The following TTC28 variants were observed in gnomAD, a reference collection of about 807,000 sequenced individuals.
The protein encoded by TTC28 is tetratricopeptide repeat protein 28.
In TTC28, 61 loss-of-function variants were observed where a neutral mutation model predicts 198.0. The observed-to-expected ratio is 0.31, with a 90% CI of 0.25 to 0.38. The LOEUF is 0.38. Ranked by LOEUF, TTC28 falls within the 10% of genes least tolerant of loss-of-function variation. The probability of loss-of-function intolerance (pLI) is 1.00; values close to 1 mark genes in which losing one functional copy is unlikely to be tolerated. For synonymous variants in TTC28, 1,171 were observed against 1,297.8 expected, an observed-to-expected ratio of 0.90 and a Z score of 2.10; for missense variants, 2,678 against 3,164.0, an observed-to-expected ratio of 0.85 and a Z score of 3.69.
intron 2 of TTC28, among the ~76,000 whole-genome samples, chr22:28,505,948 C>G (rs1459122176): frequency 6.6e-6 from 1 of 152,240 alleles, no homozygotes; most frequent in Non-Finnish European, 1.5e-5. Flanking sequence ...TTCAGCTGTT[C>G]CAGCCGGCTG....
intron 12 of TTC28, among the ~76,000 whole-genome samples, chr22:28,066,943 C>T (rs1298596378): frequency 1.3e-5 from 2 of 152,146 alleles, no homozygotes; most frequent in Admixed American, 1.3e-4. Context: ...GGGCAAAAAC[C>T]CACTGCACTT....
chr22:28,526,542 C>T (rs2049007481), intron 2 of TTC28, among the ~76,000 whole-genome samples: 2 of 152,192 alleles, frequency 1.3e-5, no homozygotes, highest in African/African-American at 2.4e-5. Flanking sequence ...CCAGTCCATA[C>T]AGTGTAGGAC....
chr22:28,409,789 T>C (rs2047054506), intron 2 of TTC28, among the ~76,000 whole-genome samples: 1 of 151,724 alleles, frequency 6.6e-6, no homozygotes, highest in South Asian at 2.1e-4. Flanking sequence ...CCCGAGTAGC[T>C]GGGACTACAG....
Position 28,679,831 on chromosome 22 carries a change from G to T in TTC28, c.-108C>A. Reference sequence around the variant, plus strand: ...CCGCCGTGCTGCGCGCCGCCGCGGCGCCCCTCACTGCCCCCAAACCGCGCG... The same window carrying T: ...CCGCCGTGCTGCGCGCCGCCGCGGCTCCCCTCACTGCCCCCAAACCGCGCG... On this transcript the variant is annotated 5_prime_UTR_variant, in exon 1 of 23. Coordinates refer to ENST00000397906, the MANE Select transcript of TTC28 (RefSeq NM_001145418.2). The T allele has an allele frequency of 2.9e-6, 1 of 347,006 alleles. No homozygotes were observed. The highest frequency in any genetic ancestry group is 4.3e-6 in the Non-Finnish European group (1 of 234,674). 21.5% of individuals were successfully genotyped at this position (347,006 alleles called of 1,614,324 possible).
intron 12 of TTC28, among the ~76,000 whole-genome samples, chr22:28,067,305 A>C (rs990440276): frequency 4.6e-5 from 7 of 152,182 alleles, no homozygotes; most frequent in African/African-American, 1.7e-4. Flanking sequence ...TATTGGCTTC[A>C]TCTCTGTAGC....
chr22:28,284,850 G>A (rs184002302), intron 5 of TTC28, among the ~76,000 whole-genome samples: 173 of 152,288 alleles, frequency 1.1e-3, no homozygotes, highest in Admixed American at 3.7e-3. Flanking sequence ...GATAACAATT[G>A]TTTGCAAGGG....
chr22:28,596,719 A>G (rs1221319466), intron 2 of TTC28, among the ~76,000 whole-genome samples: 1 of 152,224 alleles, frequency 6.6e-6, no homozygotes, highest in Non-Finnish European at 1.5e-5. Flanking sequence ...TGTACATTAT[A>G]GATGACTGTA....
chr22:28,426,693 T>C (rs958022628), intron 2 of TTC28, among the ~76,000 whole-genome samples: 2 of 152,154 alleles, frequency 1.3e-5, no homozygotes, highest in Admixed American at 6.5e-5. Context: ...CCTAAGCTAC[T>C]TGGCAAGACA....
chr22:28,036,074 C>A (rs1287526605), intron 12 of TTC28, among the ~76,000 whole-genome samples: 1 of 152,144 alleles, frequency 6.6e-6, no homozygotes, highest in Admixed American at 6.5e-5. Context: ...CGATATTAGA[C>A]AGATCAACGA....
intron 5 of TTC28, among the ~76,000 whole-genome samples, chr22:28,219,159 T>A (rs183739076): frequency 2.0e-5 from 3 of 152,138 alleles, no homozygotes; most frequent in Admixed American, 2.0e-4. Context: ...CTTGGGCACA[T>A]TACTTAACGT....
At chr22:28,197,414 C>T (rs1270212411) in intron 5 of TTC28, among the ~76,000 whole-genome samples, 1 of 151,688 alleles carries the variant, frequency 6.6e-6, no homozygotes, top group African/African-American at 2.4e-5. Context: ...TACCCTAAAA[C>T]TTAAAGTATA....
chr22:28,306,744 T>C (rs2045154813), intron 2 of TTC28, 101 bp from the exon 3 acceptor site: 18 of 1,268,604 alleles, frequency 1.4e-5, no homozygotes, highest in Non-Finnish European at 1.9e-5. Flanking sequence ...AAGATTGAGA[T>C]GTACTTGATT....
chr22:28,524,155 A>C (rs1374196685), intron 2 of TTC28, among the ~76,000 whole-genome samples: 1 of 152,146 alleles, frequency 6.6e-6, no homozygotes, highest in Non-Finnish European at 1.5e-5. Context: ...CATTTTTTGA[A>C]GGGTGATGAG....
At chr22:28,671,682 C>CT (rs374970721) in intron 1 of TTC28, among the ~76,000 whole-genome samples, 18,946 of 146,778 alleles carry the variant, frequency 0.13, 1,415 homozygotes, top group African/African-American at 0.18. Context: ...ATTTTGTTTT[C>CT]ATTTTTTTTT....
At chr22:28,535,323 C>T (rs2049242609) in intron 2 of TTC28, among the ~76,000 whole-genome samples, 1 of 152,112 alleles carries the variant, frequency 6.6e-6, no homozygotes, top group Non-Finnish European at 1.5e-5. Flanking sequence ...ATTGACAACA[C>T]CACAGAGGCC....
chr22:28,311,775 T>A (rs1011382862), intron 2 of TTC28, among the ~76,000 whole-genome samples: 2 of 152,052 alleles, frequency 1.3e-5, no homozygotes, highest in African/African-American at 4.8e-5. Flanking sequence ...ATAACTATAT[T>A]TTTTTACTCA....
chr22:28,271,407 T>C (rs73427769), intron 5 of TTC28, among the ~76,000 whole-genome samples: 371 of 152,306 alleles, frequency 2.4e-3, no homozygotes, highest in African/African-American at 8.4e-3. Flanking sequence ...TATTCTTTAT[T>C]AATTATCCTC....
chr22:28,121,463 G>T (rs1050385061), intron 6 of TTC28, among the ~76,000 whole-genome samples: 6 of 152,190 alleles, frequency 3.9e-5, no homozygotes. Flanking sequence ...ACAGCAACGA[G>T]TGAGGACACT....
chr22:28,030,651 G>A (rs1407732469), intron 12 of TTC28, among the ~76,000 whole-genome samples: 1 of 152,218 alleles, frequency 6.6e-6, no homozygotes, highest in Non-Finnish European at 1.5e-5. Flanking sequence ...AATAAGAACT[G>A]TATTCCCAGC....
Sources: gnomAD v4.1 joint callset for allele counts (sites outside exome capture counted in the v4.1 genomes callset) on GRCh38, gnomAD v4.1.1 for gene constraint, MANE v1.5 for transcripts, NCBI Gene and HGNC (gene_info 2026-07-23, HGNC 2026-07-21) for gene names.